Variants in FAM240A observed in about 807,000 individuals in gnomAD.
FAM240A encodes family with sequence similarity 240 member A, also known as protein FAM240A.
FAM240A carries 8 observed loss-of-function variants against 7.3 expected under a neutral mutation model. That is an observed-to-expected ratio of 1.09 (90% CI 0.64 to 1.97). The LOEUF (loss-of-function observed/expected upper bound fraction) is 1.97. Among genes scored for constraint, FAM240A ranks in the 30% most tolerant of loss-of-function variants. The pLI is 0.00. For missense variants in FAM240A, 90 were observed against 102.2 expected (o/e 0.88, Z 0.52); for synonymous variants, 32 against 35.9 (o/e 0.89, Z 0.38).
chr3:46,626,310 T>C lies in FAM240A; in HGVS notation c.*1092T>C, dbSNP rs1433739092. Reference sequence around the variant, plus strand: ...CGGGAGTGGCCAACCGGGAGTTTCATACCTTAATTGTGAAGGACACCTGAA... The same window carrying C: ...CGGGAGTGGCCAACCGGGAGTTTCACACCTTAATTGTGAAGGACACCTGAA... On this transcript the variant is annotated 3_prime_UTR_variant, in exon 3 of 3. Coordinates refer to ENST00000640551, the MANE Select transcript of FAM240A (RefSeq NM_001195442.2). The C allele has an allele frequency of 6.6e-6, 1 of 152,216 alleles. No individual in the cohort carries two copies. The allele number at this position is 152,216 out of a possible 1,614,324, so 9.4% of individuals were successfully genotyped here. A position where few individuals can be genotyped will look rare whatever the true frequency, so the allele number is the denominator to read the frequency against.
intron 2 of FAM240A, among the ~76,000 whole-genome samples, chr3:46,624,708 A>C (rs995473313): frequency 6.6e-6 from 1 of 152,110 alleles, no homozygotes; most frequent in Non-Finnish European, 1.5e-5. Flanking sequence ...TGTTTGAAGG[A>C]ATTCCTTTAA....
At position 46,617,181 on chromosome 3, in the gene FAM240A, AG is replaced by A. The variant is rs1177163945; in HGVS notation, c.18del. On this transcript the variant is annotated splice_acceptor_variant, in intron 1 of 2. Coordinates refer to ENST00000640551, the MANE Select transcript of FAM240A (RefSeq NM_001195442.2). LOFTEE classifies it high-confidence loss of function. ...TATTTGTATGGCTATTTTCCTTTTT[AG>A]GGGATGAACAATCAATACACCCGTC... 1.3e-6 allele frequency: 2 copies of A among 1,517,258 alleles called. No homozygotes were observed. The highest frequency in any genetic ancestry group is 4.2e-5 in the Admixed American group (2 of 47,134). 94.0% of individuals were successfully genotyped at this position (1,517,258 alleles called of 1,614,324 possible).
rs1697754575 is a variant in FAM240A at position 46,625,656 on chromosome 3, G to A, written c.*438G>A. Reference sequence around the variant, plus strand: ...TATGGAATTCTTGTTTTCTTTTTATGAGAAGAGAAATGCACCTATCTGCAG... The same window carrying A: ...TATGGAATTCTTGTTTTCTTTTTATAAGAAGAGAAATGCACCTATCTGCAG... On this transcript the variant is annotated 3_prime_UTR_variant, in exon 3 of 3. Transcript: ENST00000640551. The A allele has an allele frequency of 6.6e-6, 1 of 152,108 alleles. No homozygotes were observed. Among genetic ancestry groups the A allele is most frequent in the Non-Finnish European group, 1.5e-5 (1 of 68,042 alleles). The allele number at this position is 152,108 out of a possible 1,614,324, so 9.4% of individuals were successfully genotyped here.
chr3:46,620,043 C>G (rs573233420), intron 2 of FAM240A, among the ~76,000 whole-genome samples: 341 of 152,174 alleles, frequency 2.2e-3, no homozygotes, highest in African/African-American at 7.5e-3. Context: ...TTTGGCCCAG[C>G]ACTCACTCCC....
In FAM240A at chr3:46,617,336, G is replaced by A; in HGVS notation, c.161+8G>A. The A allele has an allele frequency of 1.3e-6, 2 of 1,510,842 alleles. No individual in the cohort carries two copies. Among genetic ancestry groups the A allele is most frequent in the Middle Eastern group, 1.7e-4 (1 of 5,844 alleles). The allele number at this position is 1,510,842 out of a possible 1,614,324, so 93.6% of individuals were successfully genotyped here. On this transcript the variant is annotated splice_region_variant and intron_variant, in intron 2 of 2. Transcript: ENST00000640551. ...AAGAAGCGCACTGAGAAAGTATGTG[G>A]CTTGTTTGTCTACTTTTTAGAATTA... is the stretch of plus-strand genomic sequence containing the variant.
intron 1 of FAM240A, 135 bp from the exon 2 acceptor site, chr3:46,617,048 A>G (rs1168202739): frequency 3.3e-6 from 2 of 603,726 alleles, no homozygotes; most frequent in Admixed American, 3.4e-5. Flanking sequence ...AAACAGTCAA[A>G]TTGGAGTAAG....
intron 1 of FAM240A, among the ~76,000 whole-genome samples, chr3:46,614,317 T>G (rs1401324308): frequency 6.6e-6 from 1 of 152,190 alleles, no homozygotes; most frequent in Non-Finnish European, 1.5e-5. Context: ...GCTACAAAAT[T>G]GGTGATAGTA....
chr3:46,614,695 G>A (rs1697608398), intron 1 of FAM240A, among the ~76,000 whole-genome samples: 1 of 152,160 alleles, frequency 6.6e-6, no homozygotes, highest in Non-Finnish European at 1.5e-5. Flanking sequence ...TGCTCCTCTG[G>A]GCATGGCCCT....
At position 46,617,211 on chromosome 3, in the gene FAM240A, A is replaced by G. The variant is rs367821517; in HGVS notation, c.44A>G (p.Glu15Gly). ...ATGAACAATCAATACACCCGTCGGG[A>G]GGTCTTCTGCCGGAACACCTGCCAT... The part of the protein sequence containing the change: ...SGMNNQYTRR[E>G]VFCRNTCHDL... The change falls in exon 2 of 3, where the codon GAG becomes GGG. Residue 15 changes from glutamate to glycine, a missense_variant. Physicochemically the swap from Glu to Gly is moderately conservative, Grantham distance 98. Coordinates refer to ENST00000640551, the MANE Select transcript of FAM240A (RefSeq NM_001195442.2). The G allele has an allele frequency of 6.5e-7, 1 of 1,534,584 alleles. No homozygotes were observed. The highest frequency in any genetic ancestry group is 2.5e-5 in the East Asian group (1 of 40,814).
chr3:46,624,264 A>ATTTT (rs59290700), intron 2 of FAM240A, among the ~76,000 whole-genome samples: 2,457 of 96,412 alleles, frequency 0.025, 154 homozygotes, highest in Non-Finnish European at 0.032. Flanking sequence ...ACGGTGGGCT[A>ATTTT]TTTTTTTTTT....
At chr3:46,622,609 G>A (rs879373190) in intron 2 of FAM240A, among the ~76,000 whole-genome samples, 1 of 152,064 alleles carries the variant, frequency 6.6e-6, no homozygotes, top group Admixed American at 6.6e-5. Context: ...ATATCCAGTG[G>A]TTCCAGCACC....
chr3:46,616,622 T>C (rs2139636), intron 1 of FAM240A, among the ~76,000 whole-genome samples: 125,523 of 151,478 alleles, frequency 0.83, 54,079 homozygotes, highest in Non-Finnish European at 0.94. Context: ...GGATAATGGC[T>C]TCCAGTTCCA....
rs1165610629 is a variant in FAM240A, at chr3:46,625,982, T to A, written c.*764T>A. 1 of 152,182 alleles carries A rather than the reference T, an allele frequency of 6.6e-6. No individual in the cohort carries two copies. Among genetic ancestry groups the A allele is most frequent in the African/African-American group, 2.4e-5 (1 of 41,432 alleles). 9.4% of individuals were successfully genotyped at this position (152,182 alleles called of 1,614,324 possible). The stretch of plus-strand genomic sequence containing the variant: ...GATTCTGGATTTTGAAATGGTATAG[T>A]CACTCCCTTGCCATCTCTCAAGTTC... On this transcript the variant is annotated 3_prime_UTR_variant, in exon 3 of 3. Coordinates refer to ENST00000640551, the MANE Select transcript of FAM240A (RefSeq NM_001195442.2).
chr3:46,612,846 GA>G (rs112262435), intron 1 of FAM240A, 148 bp downstream of exon 1: 7 of 675,314 alleles, frequency 1.0e-5, no homozygotes. Context: ...GGGCAGAGGG[GA>G]TACAGAGGAA....
chr3:46,617,988 G>C (rs906508615), intron 2 of FAM240A, among the ~76,000 whole-genome samples: 3 of 152,206 alleles, frequency 2.0e-5, no homozygotes, highest in Non-Finnish European at 4.4e-5. Flanking sequence ...ACTGCAGAAA[G>C]CCATCATGGG....
At chr3:46,623,494 C>T (rs1366103715) in intron 2 of FAM240A, among the ~76,000 whole-genome samples, 1 of 152,148 alleles carries the variant, frequency 6.6e-6, no homozygotes, top group Non-Finnish European at 1.5e-5. Flanking sequence ...GAAATCTCTG[C>T]TATAAATACA....
At chr3:46,613,244 A>G (rs1305228156) in intron 1 of FAM240A, among the ~76,000 whole-genome samples, 1 of 152,230 alleles carries the variant, frequency 6.6e-6, no homozygotes, top group Non-Finnish European at 1.5e-5. Context: ...CTGTAATCCC[A>G]GCACTTTTGA....
At chr3:46,624,160 C>A (rs556452836) in intron 2 of FAM240A, among the ~76,000 whole-genome samples, 7 of 151,464 alleles carry the variant, frequency 4.6e-5, no homozygotes, top group African/African-American at 1.7e-4. Context: ...ATTCTCATTT[C>A]TCCCCTCTTG....
At chr3:46,625,072 G>C in intron 2 of FAM240A, 56 bp from the exon 3 acceptor site, 1 of 1,348,032 alleles carries the variant, frequency 7.4e-7, no homozygotes, top group Non-Finnish European at 1.0e-6. Flanking sequence ...AAGCTCTCCT[G>C]AACCAAGAGC....
Sources: allele counts gnomAD v4.1 joint callset (sites outside exome capture counted in the v4.1 genomes callset), GRCh38; gene constraint gnomAD v4.1.1; transcripts MANE v1.5; gene names NCBI Gene and HGNC (gene_info 2026-07-23, HGNC 2026-07-21).